SFR1: variants seen among roughly 807,000 people sequenced by gnomAD.
SFR1 encodes the protein SWI5 dependent homologous recombination repair protein 1.
In SFR1, 24 loss-of-function variants were observed where a neutral mutation model predicts 26.2. That is an observed-to-expected ratio of 0.92 (90% CI 0.66 to 1.29). The LOEUF is 1.29. Among genes scored for constraint, SFR1 ranks in the 50% most tolerant of loss-of-function variants. The pLI is 0.00. For missense variants in SFR1, 276 were observed against 270.2 expected (o/e 1.02, Z -0.15); for synonymous variants, 77 against 96.6 (o/e 0.80, Z 1.19).
At chr10:104,120,548 G>T (rs1048175068), upstream of SFR1, among the ~76,000 whole-genome samples, 1 of 152,140 alleles carries the variant, frequency 6.6e-6, no homozygotes, top group African/African-American at 2.4e-5. Context: ...GATAAATCAA[G>T]GGGTGAAACT....
rs1315627699 is a variant in SFR1 at position 104,125,667 on chromosome 10, A to T, written c.701A>T (p.His234Leu). The change falls in exon 4 of 4, where the codon CAC becomes CTC. Residue 234 changes from histidine to leucine, a missense_variant. His to Leu is a moderately conservative substitution (Grantham distance 99, BLOSUM62 -3). Coordinates refer to ENST00000369727, the MANE Select transcript of SFR1 (RefSeq NM_001002759.2). The stretch of plus-strand genomic sequence containing the variant: ...TATGGGTTAGATGATAAATTACTAC[A>T]CTATAACAGAAGTGAAGAAGAATTT... Reference protein sequence around the residue: ...DHYGLDDKLLHYNRSEEEFID... With the variant: ...DHYGLDDKLLLYNRSEEEFID... 14 of 1,605,600 alleles carry T rather than the reference A, an allele frequency of 8.7e-6. No homozygotes were observed. The highest frequency in any genetic ancestry group is 1.2e-5 in the Non-Finnish European group (14 of 1,175,810).
upstream of SFR1, among the ~76,000 whole-genome samples, chr10:104,121,108 CGG>C (rs960064798): frequency 3.3e-4 from 42 of 129,162 alleles, no homozygotes; most frequent in African/African-American, 1.5e-3. Context: ...AAGCGGGGCG[CGG>C]GGGGGGGATT....
At chr10:104,122,737 A>G (rs1374998520) in intron 1 of SFR1, 2 of 1,441,066 alleles carry the variant, frequency 1.4e-6, no homozygotes, top group Admixed American at 2.7e-5. Flanking sequence ...GAGTCTTGTG[A>G]CTATGAGATA....
chr10:104,122,173 T>C lies in SFR1; in HGVS notation c.-11T>C. On this transcript the variant is annotated 5_prime_UTR_variant, in exon 1 of 4. Transcript: ENST00000369727. The stretch of plus-strand genomic sequence containing the variant: ...GCCGCAGGTGCGCGCGCTTTTTTGC[T>C]CTCGCTGGGAATGGCGGAGGGAGGT... The C allele has an allele frequency of 6.5e-7, 1 of 1,549,068 alleles. No individual in the cohort carries two copies. Among genetic ancestry groups the C allele is most frequent in the Non-Finnish European group, 8.7e-7 (1 of 1,146,312 alleles).
Position 104,123,064 on chromosome 10 carries a change from A to T in SFR1, c.113A>T (p.Tyr38Phe), listed in dbSNP as rs753777639. The T allele has an allele frequency of 3.2e-6, 5 of 1,576,064 alleles. No individual in the cohort carries two copies. The African/African-American group carries it at 6.9e-5, about 22-fold the overall frequency. ...GCCTCTGCGAATCCATCATCTCCCT[A>T]TACAAATAGTTCCCGAAAACAAGTA... ...PQASANPSSP[Y>F]TNSSRKQPMS... Residue 38 changes from tyrosine to phenylalanine, a missense_variant, in exon 2 of 4, where the codon TAT (tyrosine) becomes TTT (phenylalanine). Tyr to Phe is a conservative substitution (Grantham distance 22). Transcript: ENST00000369727.
chr10:104,123,957 T>C lies in SFR1; in HGVS notation c.379T>C (p.Ser127Pro), dbSNP rs2086997702. The C allele has an allele frequency of 6.2e-7, 1 of 1,613,830 alleles. No homozygotes were observed. The highest frequency in any genetic ancestry group is 1.7e-5 in the Admixed American group (1 of 59,996). The change falls in exon 3 of 4, where the codon TCT becomes CCT. Residue 127 changes from serine to proline, a missense_variant. Physicochemically the swap from Ser to Pro is moderately conservative, Grantham distance 74. Transcript: ENST00000369727. ...NTLKNLNVCE[S>P]QSLDSGSCSA... The stretch of plus-strand genomic sequence containing the variant: ...TTTGAAGAATCTCAATGTCTGTGAA[T>C]CTCAGTCACTTGATTCTGGATCATG...
At chr10:104,124,712 G>C (rs1218755880) in intron 3 of SFR1, among the ~76,000 whole-genome samples, 1 of 152,020 alleles carries the variant, frequency 6.6e-6, no homozygotes, top group African/African-American at 2.4e-5. Context: ...TGATGGGATA[G>C]TGTATCTCAT....
rs557787174 is a variant in SFR1, at chr10:104,125,452, TTTAA to T, written c.547-56_547-53del. On this transcript the variant is annotated intron_variant, in intron 3 of 3. Transcript: ENST00000369727. ...CCTGCACATCCACTAATTTAACAAC[TTTAA>T]TTAAGTTGAACTAGCATGACTAGTT... is the stretch of plus-strand genomic sequence containing the variant. The T allele has an allele frequency of 6.6e-5, 91 of 1,380,296 alleles. No homozygotes were observed. In the African/African-American group the frequency reaches 7.5e-4, roughly 11 times the overall value. The allele number at this position is 1,380,296 out of a possible 1,614,324, so 85.5% of individuals were successfully genotyped here. A position where few individuals can be genotyped will look rare whatever the true frequency, so the allele number is the denominator to read the frequency against.
At chr10:104,123,108 C>T (rs1484373516) in intron 2 of SFR1, 22 bp downstream of exon 2, 1 of 1,525,596 alleles carries the variant, frequency 6.6e-7, no homozygotes, top group Non-Finnish European at 8.8e-7. Context: ...TTTGTTCTTC[C>T]AGTGGATCCA....
chr10:104,125,639 C>T lies in SFR1; in HGVS notation c.673C>T (p.His225Tyr), dbSNP rs140850183. ...KKLSLTQLID[H>Y]YGLDDKLLHY... is the part of the protein sequence containing the mutation. ...ACTAAGCCTTACTCAATTGATAGAC[C>T]ACTATGGGTTAGATGATAAATTACT... The change falls in exon 4 of 4, where the codon CAC becomes TAC. Residue 225 changes from histidine to tyrosine, a missense_variant. Physicochemically the swap from His to Tyr is moderately conservative, Grantham distance 83 (BLOSUM62 2). Transcript: ENST00000369727. 137 of 1,612,288 alleles carry T rather than the reference C, an allele frequency of 8.5e-5. 1 individual carries two copies. The South Asian group carries it at 1.4e-3, about 16-fold the overall frequency.
Position 104,124,977 on chromosome 10 carries a change from T to A in SFR1, c.547-536T>A, listed in dbSNP as rs1589593623. The stretch of plus-strand genomic sequence containing the variant: ...ACACCTGGCTAATTTTTTAAAATTA[T>A]TTTTTTGTAGACATAGAGTCTTGCT... On this transcript the variant is annotated intron_variant, in intron 3 of 3. Transcript: ENST00000369727. Among the ~76,000 whole-genome samples, 3 of 152,074 alleles carry A rather than the reference T, an allele frequency of 2.0e-5. 1 individual carries two copies. The highest frequency in any genetic ancestry group is 6.8e-3 in the Middle Eastern group (2 of 294).
At position 104,125,858 on chromosome 10, in the gene SFR1, C is replaced by T. The variant is rs541492578; in HGVS notation, c.*154C>T. 1.1e-4 allele frequency: 56 copies of T among 489,642 alleles called. No homozygotes were observed. Among genetic ancestry groups the T allele is most frequent in the Admixed American group, 2.2e-4 (6 of 27,112 alleles). 30.3% of individuals were successfully genotyped at this position (489,642 alleles called of 1,614,324 possible). ...TTGACTCACTGCAACCTCTGCCTCT[C>T]GGGTTCCAGCAATTCTCCTGCCTCA... On this transcript the variant is annotated 3_prime_UTR_variant, in exon 4 of 4. Transcript: ENST00000369727.
chr10:104,122,809 C>T (rs1346595419), intron 1 of SFR1, 156 bp from the exon 2 acceptor site: 7 of 1,527,564 alleles, frequency 4.6e-6, no homozygotes, highest in Non-Finnish European at 6.1e-6. Context: ...AAATGGAAAA[C>T]TGCAAAAAGA....
chr10:104,125,167 T>G (rs773164647), intron 3 of SFR1, among the ~76,000 whole-genome samples: 1 of 152,188 alleles, frequency 6.6e-6, no homozygotes, highest in Non-Finnish European at 1.5e-5. Context: ...ATAGCAACAT[T>G]TAGTGGAAAG....
Position 104,122,963 on chromosome 10 carries a change from A to C in SFR1, c.14-2A>C, listed in dbSNP as rs763616421. The C allele has an allele frequency of 9.9e-6, 16 of 1,612,672 alleles. No homozygotes were observed. The Admixed American group carries it at 1.8e-4, about 18-fold the overall frequency. On this transcript the variant is annotated splice_acceptor_variant, in intron 1 of 3. Transcript: ENST00000369727. LOFTEE classifies it high-confidence loss of function. The stretch of plus-strand genomic sequence containing the variant: ...GATTATTTTATAATTTTTCTTTTTT[A>C]GAGAAAAACCAAGATTTCACTTTCA...
chr10:104,122,299 C>T lies in SFR1; in HGVS notation c.13+103C>T, dbSNP rs991207135. On this transcript the variant is annotated intron_variant, in intron 1 of 3. Coordinates refer to ENST00000369727, the MANE Select transcript of SFR1 (RefSeq NM_001002759.2). Reference sequence around the variant, plus strand: ...CCTTTCCGGGTCTGGGGAACTCAACCTCACCTTATGCCTGGGGTCTCCGGG... The same window carrying T: ...CCTTTCCGGGTCTGGGGAACTCAACTTCACCTTATGCCTGGGGTCTCCGGG... 25 of 1,429,974 alleles carry T rather than the reference C, an allele frequency of 1.7e-5. No homozygotes were observed. The Admixed American group carries it at 4.5e-4, about 26-fold the overall frequency. The allele number at this position is 1,429,974 out of a possible 1,614,324, so 88.6% of individuals were successfully genotyped here.
chr10:104,120,181 G>A (rs1290753049), upstream of SFR1, among the ~76,000 whole-genome samples: 1 of 152,210 alleles, frequency 6.6e-6, no homozygotes, highest in African/African-American at 2.4e-5. Context: ...ATGCCGGGAG[G>A]TATAAAGAAT....
chr10:104,122,089 A>C, upstream of SFR1: 1 of 1,415,292 alleles, frequency 7.1e-7, no homozygotes, highest in Non-Finnish European at 9.7e-7. Context: ...CAATCTGGCC[A>C]ATTGCGCATC....
In SFR1 at chr10:104,125,767, CTT is replaced by C. The variant is rs201504294; in HGVS notation, c.*77_*78del. On this transcript the variant is annotated 3_prime_UTR_variant, in exon 4 of 4. Coordinates refer to ENST00000369727, the MANE Select transcript of SFR1 (RefSeq NM_001002759.2). ...AACTTAATTAAAAGATACTTAGGCA[CTT>C]TTTTTTTTTTTTTGAGACTGAGTTT... 0.013 allele frequency: 10,911 copies of C among 841,698 alleles called. No individual in the cohort carries two copies. The highest frequency in any genetic ancestry group is 0.016 in the East Asian group (537 of 34,170). The allele number at this position is 841,698 out of a possible 1,614,324, so 52.1% of individuals were successfully genotyped here.
Sources: allele counts gnomAD v4.1 joint callset (sites outside exome capture counted in the v4.1 genomes callset), GRCh38; gene constraint gnomAD v4.1.1; transcripts MANE v1.5; gene names NCBI Gene and HGNC (gene_info 2026-07-23, HGNC 2026-07-21).